The following RYR1 variants were observed in gnomAD, a reference collection of about 807,000 sequenced individuals.
RYR1 encodes the protein central core disease of muscle.
A neutral mutation model predicts 583.5 loss-of-function variants in RYR1; 342 were observed. The ratio of observed to expected loss-of-function variants is 0.59; its 90% CI spans 0.54 to 0.64. The LOEUF is 0.64. Ranked by LOEUF, RYR1 falls within the 30% of genes least tolerant of loss-of-function variation. The pLI, the probability that RYR1 is intolerant of heterozygous loss-of-function variation, is 0.00. For missense variants in RYR1, 6,032 were observed against 6,917.2 expected (o/e 0.87, Z 4.54); for synonymous variants, 2,791 against 2,822.5 (o/e 0.99, Z 0.35).
At position 38,578,032 on chromosome 19, in the gene RYR1, C is replaced by T. The variant is rs1265854890; in HGVS notation, c.14287C>T (p.Pro4763Ser). 7.4e-6 allele frequency: 12 copies of T among 1,614,018 alleles called. No individual in the cohort carries two copies. The highest frequency in any genetic ancestry group is 1.7e-6 in the Non-Finnish European group (2 of 1,180,020). The change falls in exon 98 of 106, where the codon CCA (proline) becomes TCA (serine). Residue 4763 changes from proline (P) to serine (S), a missense_variant. Coordinates refer to ENST00000359596, the MANE Select transcript of RYR1 (RefSeq NM_000540.3). ...AHNERKPNPP[P>S]GLLTWLMSID... ...CAATGAGCGCAAGCCCAACCCGCCG[C>T]CAGGGCTGCTGACCTGGTGAGCCCA...
intron 31 of RYR1, 130 bp from the exon 32 acceptor site, chr19:38,482,897 C>T (rs1600760168): frequency 1.2e-6 from 1 of 809,508 alleles, no homozygotes; most frequent in Non-Finnish European, 2.2e-6. Context: ...CTAAGGGTGA[C>T]CTCTGAGCCA....
In RYR1 at chr19:38,459,546, C is replaced by T. The variant is rs549979390; in HGVS notation, c.2360+208C>T. On this transcript the variant is annotated intron_variant, in intron 19 of 105. Transcript: ENST00000359596. Reference sequence around the variant, plus strand: ...CAATGACCTCAGATTCTCCCTAACCCCACGTCCTTCCAGTAACCTCTGAGA... The same window carrying T: ...CAATGACCTCAGATTCTCCCTAACCTCACGTCCTTCCAGTAACCTCTGAGA... 1.8e-4 allele frequency among the ~76,000 whole-genome samples: 28 copies of T among 152,242 alleles called. No homozygotes were observed. In the South Asian group the frequency reaches 5.6e-3, roughly 30 times the overall value.
rs780420316 is a variant in RYR1, at chr19:38,489,231, C to T, written c.5602C>T (p.Pro1868Ser). 6.2e-7 allele frequency: 1 copy of T among 1,613,508 alleles called. No individual in the cohort carries two copies. Among genetic ancestry groups the T allele is most frequent in the Non-Finnish European group, 8.5e-7 (1 of 1,179,820 alleles). The stretch of plus-strand genomic sequence containing the variant: ...GAAACAGATCTTGAAGATGATTGAG[C>T]CTGAGGTCTTCACTGAGGAAGAAGA... Reference protein sequence around the residue: ...DVKQILKMIEPEVFTEEEEEE... With the variant: ...DVKQILKMIESEVFTEEEEEE... Residue 1868 changes from proline to serine, a missense_variant, in exon 35 of 106, where the codon CCT becomes TCT. By Grantham distance (74) the Pro-to-Ser change is moderately conservative. Around this residue, in one of 11 missense-constraint regions of RYR1, gnomAD observed 2,627 missense variants for 2,961.3 expected, o/e 0.89. Coordinates refer to ENST00000359596, the MANE Select transcript of RYR1 (RefSeq NM_000540.3).
chr19:38,561,097 C>G lies in RYR1; in HGVS notation c.12283-16C>G, dbSNP rs1179460817. Reference sequence around the variant, plus strand: ...GCTCTCCAGGTCACCCCACTGACCTCCCTGCCCGCCCCCAGGCCATGGACA... The same window carrying G: ...GCTCTCCAGGTCACCCCACTGACCTGCCTGCCCGCCCCCAGGCCATGGACA... On this transcript the variant is annotated splice_polypyrimidine_tract_variant and intron_variant, in intron 89 of 105. Coordinates refer to ENST00000359596, the MANE Select transcript of RYR1 (RefSeq NM_000540.3). The surrounding 1 kb of genome is among the most constrained non-coding windows in gnomAD (Gnocchi z 4.8). 6.2e-7 allele frequency: 1 copy of G among 1,613,186 alleles called. No individual in the cohort carries two copies. Among genetic ancestry groups the G allele is most frequent in the Non-Finnish European group, 8.5e-7 (1 of 1,179,286 alleles).
At chr19:38,572,516 G>A (rs62120349) in intron 95 of RYR1, among the ~76,000 whole-genome samples, 1 of 152,130 alleles carries the variant, frequency 6.6e-6, no homozygotes, top group Admixed American at 6.5e-5. Flanking sequence ...ACCAGGTTCT[G>A]GACCACTGTC....
chr19:38,560,729 CAAAAAAAAAA>C (rs765130460), intron 89 of RYR1, among the ~76,000 whole-genome samples: 6 of 38,076 alleles, frequency 1.6e-4, no homozygotes, highest in South Asian at 1.0e-3. Flanking sequence ...AACTCCGTCT[CAAAAAAAAAA>C]AAAAAAAAAA....
At chr19:38,578,588 T>C (rs1465791729) in intron 99 of RYR1, among the ~76,000 whole-genome samples, 1 of 152,080 alleles carries the variant, frequency 6.6e-6, no homozygotes, top group Non-Finnish European at 1.5e-5. Context: ...GTCCCAGCAC[T>C]TTGGGAGGCC....
chr19:38,553,768 T>C (rs570026731), intron 89 of RYR1, among the ~76,000 whole-genome samples: 1 of 152,382 alleles, frequency 6.6e-6, no homozygotes, highest in South Asian at 2.1e-4. Context: ...CGTTAGTTTC[T>C]TTTGTATCCT....
Position 38,565,728 on chromosome 19 carries a change from C to G in RYR1, c.13394C>G (p.Pro4465Arg). The change falls in exon 91 of 106, where the codon CCG becomes CGG. Residue 4465 changes from proline to arginine, a missense_variant. This residue lies in a region of RYR1 where 753 missense variants were observed against 759.6 expected (regional missense o/e 0.99). Coordinates refer to ENST00000359596, the MANE Select transcript of RYR1 (RefSeq NM_000540.3). The surrounding 1 kb of genome is among the most constrained non-coding windows in gnomAD (Gnocchi z 4.7). The part of the protein sequence containing the change: ...GDMGDTTPAE[P>R]PTPEGSPILK... The stretch of plus-strand genomic sequence containing the variant: ...ATGGGGGACACGACGCCTGCGGAAC[C>G]GCCCACACCCGAGGGCTCTCCCATC... The G allele has an allele frequency of 7.0e-7, 1 of 1,429,544 alleles. No individual in the cohort carries two copies. The highest frequency in any genetic ancestry group is 1.5e-5 in the African/African-American group (1 of 66,804). 88.6% of individuals were successfully genotyped at this position (1,429,544 alleles called of 1,614,324 possible).
intron 96 of RYR1, among the ~76,000 whole-genome samples, chr19:38,574,548 C>T (rs1599653727): frequency 1.3e-5 from 2 of 151,872 alleles, no homozygotes; most frequent in East Asian, 1.9e-4. Context: ...TGGAGGATGG[C>T]GTGAGCCCAG....
intron 84 of RYR1, among the ~76,000 whole-genome samples, chr19:38,540,871 C>T (rs1297555018): frequency 1.7e-5 from 2 of 116,910 alleles, no homozygotes; most frequent in Non-Finnish European, 1.7e-5. Flanking sequence ...GTGTAATAAA[C>T]CTCCAATCAT....
chr19:38,484,423 T>TCTCC (rs1358388442), intron 33 of RYR1, among the ~76,000 whole-genome samples: 18 of 145,342 alleles, frequency 1.2e-4, no homozygotes, highest in African/African-American at 3.9e-4. Flanking sequence ...TTCCTTCCCC[T>TCTCC]CTCCCTCCCT....
intron 12 of RYR1, 53 bp downstream of exon 12, chr19:38,451,938 G>A (rs1029671356): frequency 4.5e-5 from 73 of 1,612,904 alleles, no homozygotes; most frequent in South Asian, 9.9e-5. Context: ...CCCATGCTCC[G>A]GGCATCCATA....
chr19:38,517,554 C>T lies in RYR1; in HGVS notation c.9881C>T (p.Ser3294Phe). ...GAGCGCGGGCCCGAGGCACCCCCTT[C>T]CGCCCTGCCCGCCGGCGCCCCCCCA... ...WWERGPEAPP[S>F]ALPAGAPPPC... is the part of the protein sequence containing the mutation. Residue 3294 changes from serine (S) to phenylalanine (F), a missense_variant, in exon 66 of 106, where the codon TCC becomes TTC. Ser to Phe is a radical substitution (Grantham distance 155). Transcript: ENST00000359596. The T allele has an allele frequency of 6.2e-7, 1 of 1,613,782 alleles. No homozygotes were observed. The highest frequency in any genetic ancestry group is 8.5e-7 in the Non-Finnish European group (1 of 1,179,818).
chr19:38,473,214 C>G lies in RYR1; in HGVS notation c.3766-163C>G, dbSNP rs73930590. The stretch of plus-strand genomic sequence containing the variant: ...AGCACCCCAGGGCCCAGCGGTGTAC[C>G]CGGCCGGGAGCTTCATCCCCCTGCA... On this transcript the variant is annotated intron_variant, in intron 27 of 105. Transcript: ENST00000359596. Among the ~76,000 whole-genome samples, 1,780 of 152,174 alleles carry G rather than the reference C, an allele frequency of 0.012. 35 individuals are homozygous for G. Among genetic ancestry groups the G allele is most frequent in the African/African-American group, 0.041 (1,705 of 41,478 alleles).
chr19:38,442,948 A>G (rs1019106175), intron 3 of RYR1, among the ~76,000 whole-genome samples: 3 of 152,066 alleles, frequency 2.0e-5, no homozygotes, highest in Non-Finnish European at 4.4e-5. Context: ...CCACCATGTG[A>G]TCACCTGGCC....
chr19:38,434,143 G>C (rs1043731309), intron 1 of RYR1, among the ~76,000 whole-genome samples: 3 of 152,020 alleles, frequency 2.0e-5, no homozygotes, highest in Non-Finnish European at 2.9e-5. Flanking sequence ...CCACAAGAAG[G>C]ACCCCCGAGG....
chr19:38,512,201 G>A lies in RYR1; in HGVS notation c.9234-44G>A. On this transcript the variant is annotated intron_variant, in intron 62 of 105. Coordinates refer to ENST00000359596, the MANE Select transcript of RYR1 (RefSeq NM_000540.3). The surrounding 1 kb of genome is among the most constrained non-coding windows in gnomAD (Gnocchi z 5.1). ...CCCCACCCCAACCCCTGGTCTCCTAGACTCTCCGATTCCAGAGCTGATGTT... is the reference window on the plus strand; with the variant it reads ...CCCCACCCCAACCCCTGGTCTCCTAAACTCTCCGATTCCAGAGCTGATGTT... The A allele has an allele frequency of 1.2e-6, 2 of 1,614,000 alleles. No homozygotes were observed. The highest frequency in any genetic ancestry group is 1.7e-6 in the Non-Finnish European group (2 of 1,179,834).
intron 27 of RYR1, 51 bp downstream of exon 27, chr19:38,469,564 C>T (rs752148446): frequency 1.3e-6 from 2 of 1,526,948 alleles, no homozygotes; most frequent in Non-Finnish European, 9.1e-7. Context: ...AAGCTCCTTC[C>T]TTCCACAGTG....
Sources: gnomAD v4.1 joint callset for allele counts (sites outside exome capture counted in the v4.1 genomes callset) on GRCh38, gnomAD v4.1.1 for gene constraint, gnomAD v4.1.1 regional missense constraint, Gnocchi (gnomAD v3.1) non-coding constraint, MANE v1.5 for transcripts, NCBI Gene and HGNC (gene_info 2026-07-23, HGNC 2026-07-21) for gene names.